Variants in R3HDM1 observed in about 807,000 individuals in gnomAD.
R3HDM1 encodes R3H domain containing 1, also known as R3H domain-containing protein 1.
A neutral mutation model predicts 141.1 loss-of-function variants in R3HDM1; 46 were observed. That is an observed-to-expected ratio of 0.33 (90% confidence interval 0.26 to 0.42). The LOEUF (loss-of-function observed/expected upper bound fraction) is 0.42. Among genes scored for constraint, R3HDM1 ranks in the 10% least tolerant of loss-of-function variants. The pLI is 1.00. For missense variants in R3HDM1, 1,184 were observed against 1,368.3 expected, an observed-to-expected ratio of 0.87 and a Z score of 2.12; for synonymous variants, 435 against 472.9, an observed-to-expected ratio of 0.92 and a Z score of 1.04.
At chr2:135,535,575 A>C (rs1175870452) in intron 1 of R3HDM1, among the ~76,000 whole-genome samples, 1 of 152,032 alleles carries the variant, frequency 6.6e-6, no homozygotes, top group African/African-American at 2.4e-5. Context: ...GAAGGAAGTC[A>C]GTTTTTTCTC....
intron 23 of R3HDM1, among the ~76,000 whole-genome samples, chr2:135,712,241 C>T (rs1028992161): frequency 2.6e-5 from 4 of 151,980 alleles, no homozygotes; most frequent in Non-Finnish European, 5.9e-5. Context: ...TTTGCACAGT[C>T]ACAGCTTACT....
intron 21 of R3HDM1, among the ~76,000 whole-genome samples, chr2:135,692,808 G>A (rs558549412): frequency 9.2e-5 from 14 of 152,196 alleles, no homozygotes; most frequent in African/African-American, 3.4e-4. Context: ...CTGTGGTAGT[G>A]GCAGTAGGAG....
At chr2:135,655,955 A>G (rs1183763785) in intron 18 of R3HDM1, among the ~76,000 whole-genome samples, 1 of 152,176 alleles carries the variant, frequency 6.6e-6, no homozygotes, top group African/African-American at 2.4e-5. Context: ...CATGTTAACA[A>G]TACTAAGTTT....
At chr2:135,599,955 G>A (rs955274368) in intron 1 of R3HDM1, among the ~76,000 whole-genome samples, 6 of 151,636 alleles carry the variant, frequency 4.0e-5, no homozygotes, top group African/African-American at 1.5e-4. Context: ...GATAGCTTGA[G>A]CCTCAAAGGT....
intron 1 of R3HDM1, among the ~76,000 whole-genome samples, chr2:135,549,257 A>T (rs934888791): frequency 7.9e-5 from 12 of 151,910 alleles, no homozygotes; most frequent in African/African-American, 1.7e-4. Flanking sequence ...TTTGTTTTTT[A>T]AAAAAATGGG....
chr2:135,636,282 A>G, intron 11 of R3HDM1, 99 bp downstream of exon 11: 1 of 1,468,416 alleles, frequency 6.8e-7, no homozygotes, highest in African/African-American at 1.4e-5. Flanking sequence ...TTTATTTTTA[A>G]TCACATTTGT....
chr2:135,647,360 A>G (rs557053904), intron 16 of R3HDM1, among the ~76,000 whole-genome samples: 2 of 152,262 alleles, frequency 1.3e-5, no homozygotes, highest in Admixed American at 6.5e-5. Context: ...ACTAATTTTC[A>G]TTTGGTTTCA....
chr2:135,643,586 A>AT (rs2064040180), intron 15 of R3HDM1, among the ~76,000 whole-genome samples: 1 of 152,126 alleles, frequency 6.6e-6, no homozygotes, highest in African/African-American at 2.4e-5. Flanking sequence ...TAACAATCCA[A>AT]TTTTAGTAAA....
intron 21 of R3HDM1, among the ~76,000 whole-genome samples, chr2:135,706,304 G>A (rs931268356): frequency 6.6e-6 from 1 of 151,896 alleles, no homozygotes; most frequent in Non-Finnish European, 1.5e-5. Context: ...TATTGCAGTG[G>A]CCTTAATACA....
intron 1 of R3HDM1, among the ~76,000 whole-genome samples, chr2:135,588,925 C>A (rs1158395028): frequency 6.6e-6 from 1 of 152,004 alleles, no homozygotes; most frequent in African/African-American, 2.4e-5. Flanking sequence ...TTGTTTTTAA[C>A]CTCTTGTTTT....
intron 21 of R3HDM1, among the ~76,000 whole-genome samples, chr2:135,680,719 A>G (rs2070140504): frequency 6.6e-6 from 1 of 152,214 alleles, no homozygotes; most frequent in Admixed American, 6.5e-5. Context: ...GTAGTGAACC[A>G]AGATTGCGCC....
At chr2:135,593,868 C>CA (rs1489420392) in intron 1 of R3HDM1, among the ~76,000 whole-genome samples, 4 of 152,102 alleles carry the variant, frequency 2.6e-5, no homozygotes, top group African/African-American at 4.8e-5. Context: ...TACAGGCGCG[C>CA]ACCACCACAC....
At chr2:135,561,733 A>C (rs1701836076) in intron 1 of R3HDM1, among the ~76,000 whole-genome samples, 1 of 152,264 alleles carries the variant, frequency 6.6e-6, no homozygotes, top group South Asian at 2.1e-4. Flanking sequence ...ACAAAAAAAA[A>C]ACCAAGCTTA....
At chr2:135,603,838 C>G (rs2059824475) in intron 2 of R3HDM1, among the ~76,000 whole-genome samples, 1 of 152,210 alleles carries the variant, frequency 6.6e-6, no homozygotes, top group Admixed American at 6.5e-5. Context: ...AACTCCTGAG[C>G]TCAAGCAATC....
intron 1 of R3HDM1, among the ~76,000 whole-genome samples, chr2:135,544,980 G>A (rs913576327): frequency 2.6e-5 from 4 of 152,038 alleles, no homozygotes; most frequent in Admixed American, 6.6e-5. Flanking sequence ...AAAGAGCATA[G>A]TGCTTTAGCA....
chr2:135,689,927 T>C (rs370468519), intron 21 of R3HDM1, among the ~76,000 whole-genome samples: 1 of 152,208 alleles, frequency 6.6e-6, no homozygotes, highest in Admixed American at 6.5e-5. Context: ...TCATTTTCAC[T>C]ATTTTTATCT....
chr2:135,579,177 T>C (rs1419917471), intron 1 of R3HDM1, among the ~76,000 whole-genome samples: 1 of 152,076 alleles, frequency 6.6e-6, no homozygotes, highest in Non-Finnish European at 1.5e-5. Context: ...GCCTGGAACA[T>C]CACGTGGCGC....
intron 21 of R3HDM1, among the ~76,000 whole-genome samples, chr2:135,706,698 G>T (rs200116481): frequency 0.053 from 8,052 of 152,186 alleles, 383 homozygotes; most frequent in African/African-American, 0.12. Context: ...TTGGGGGTAA[G>T]GTCATAGATC....
intron 1 of R3HDM1, among the ~76,000 whole-genome samples, chr2:135,564,623 ATG>A (rs1360463734): frequency 6.6e-6 from 1 of 152,190 alleles, no homozygotes; most frequent in Admixed American, 6.5e-5. Flanking sequence ...CCCAGCCTAA[ATG>A]TTGCAGAAAA....
Sources: gnomAD v4.1 joint callset for allele counts (sites outside exome capture counted in the v4.1 genomes callset) on GRCh38, gnomAD v4.1.1 for gene constraint, MANE v1.5 for transcripts, NCBI Gene and HGNC (gene_info 2026-07-23, HGNC 2026-07-21) for gene names.